IL1RAPL1: variants seen among roughly 807,000 people sequenced by gnomAD.
IL1RAPL1 encodes interleukin-1 receptor accessory protein-like 1.
Under a neutral mutation model 48.4 loss-of-function variants are expected in IL1RAPL1, and 3 were observed. The ratio of observed to expected loss-of-function variants is 0.06; its 90% confidence interval spans 0.03 to 0.16. IL1RAPL1 has a LOEUF of 0.16. Among genes scored for constraint, IL1RAPL1 ranks in the 10% least tolerant of loss-of-function variants. The pLI, the probability that IL1RAPL1 is intolerant of heterozygous loss-of-function variation, is 1.00. For synonymous variants in IL1RAPL1, 185 were observed against 187.7 expected, an observed-to-expected ratio of 0.99 and a Z score of 0.12; for missense variants, 349 against 530.6, an observed-to-expected ratio of 0.66 and a Z score of 3.36.
At chrX:29,426,120 A>G (rs1934347940) in intron 5 of IL1RAPL1, among the ~76,000 whole-genome samples, 1 of 112,253 alleles carries the variant, frequency 8.9e-6, no homozygotes, top group South Asian at 3.7e-4. Context: ...ACATGGTTCT[A>G]AATTTTATTG....
chrX:29,117,749 T>C (rs1928705368), intron 2 of IL1RAPL1, among the ~76,000 whole-genome samples: 1 of 111,422 alleles, frequency 9.0e-6, no homozygotes, highest in African/African-American at 3.3e-5. Flanking sequence ...TTAGCAGCCC[T>C]GTTTTTCATT....
chrX:28,609,663 A>AC lies in IL1RAPL1; in HGVS notation c.-25+21616_-25+21617insC, dbSNP rs200576889. Among the ~76,000 whole-genome samples the AC allele has an allele frequency of 6.9e-3, 715 of 103,278 alleles. 4 individuals are homozygous for AC. Among genetic ancestry groups the AC allele is most frequent in the African/African-American group, 0.022 (615 of 27,673 alleles). The allele number at this position is 103,278 out of a possible 115,157, so 89.7% of individuals were successfully genotyped here. A position where few individuals can be genotyped will look rare whatever the true frequency, so the allele number is the denominator to read the frequency against. The stretch of plus-strand genomic sequence containing the variant: ...CACACACACACACACACACACACAC[A>AC]ACATACCTACCTCTCTGATATATGC... On this transcript the variant is annotated intron_variant, in intron 1 of 10. Coordinates refer to ENST00000378993, the MANE Select transcript of IL1RAPL1 (RefSeq NM_014271.4).
chrX:28,933,125 A>T (rs1165400726), intron 2 of IL1RAPL1, among the ~76,000 whole-genome samples: 5 of 111,961 alleles, frequency 4.5e-5, no homozygotes, highest in African/African-American at 1.6e-4. Flanking sequence ...TGCATTAACC[A>T]TGTGTTAATT....
chrX:29,660,159 C>T (rs1329329655), intron 5 of IL1RAPL1, among the ~76,000 whole-genome samples: 1 of 110,549 alleles, frequency 9.0e-6, no homozygotes, highest in Non-Finnish European at 1.9e-5. Context: ...ATCCAGTCAC[C>T]TCCCACAAGG....
intron 5 of IL1RAPL1, among the ~76,000 whole-genome samples, chrX:29,590,911 C>A (rs1443696874): frequency 2.7e-5 from 3 of 112,420 alleles, no homozygotes; most frequent in African/African-American, 9.7e-5. Context: ...ATGTTTTGTG[C>A]TGTAACGTGC....
chrX:29,888,018 A>G (rs1370451010), intron 6 of IL1RAPL1, among the ~76,000 whole-genome samples: 3 of 111,631 alleles, frequency 2.7e-5, no homozygotes, highest in African/African-American at 9.8e-5. Flanking sequence ...CTTCATTTTC[A>G]CTGTAATAAT....
At chrX:29,179,033 G>C (rs1322047350) in intron 2 of IL1RAPL1, among the ~76,000 whole-genome samples, 3 of 111,756 alleles carry the variant, frequency 2.7e-5, no homozygotes, top group African/African-American at 9.8e-5. Context: ...GTAGTGTGAT[G>C]CCTCCAGCTT....
intron 2 of IL1RAPL1, among the ~76,000 whole-genome samples, chrX:29,250,227 T>C (rs1931581674): frequency 9.0e-6 from 1 of 111,504 alleles, no homozygotes. Context: ...GAAAAATAAG[T>C]CCTAAAGGGA....
chrX:29,189,603 A>G (rs1930314823), intron 2 of IL1RAPL1, among the ~76,000 whole-genome samples: 1 of 111,519 alleles, frequency 9.0e-6, no homozygotes, highest in African/African-American at 3.3e-5. Flanking sequence ...GAATTATTTC[A>G]TTACTGCTGG....
intron 6 of IL1RAPL1, among the ~76,000 whole-genome samples, chrX:29,874,434 A>G (rs1931862847): frequency 8.9e-6 from 1 of 111,936 alleles, no homozygotes; most frequent in African/African-American, 3.2e-5. Context: ...ACTCTAAGCT[A>G]TTGCCCCTCC....
chrX:29,498,399 T>C (rs1290548999), intron 5 of IL1RAPL1, among the ~76,000 whole-genome samples: 4 of 112,082 alleles, frequency 3.6e-5, no homozygotes, highest in Non-Finnish European at 7.5e-5. Flanking sequence ...TCATTTCTTT[T>C]CATTGCCCTC....
chrX:29,951,832 G>A (rs924103008), intron 9 of IL1RAPL1, among the ~76,000 whole-genome samples: 5 of 111,382 alleles, frequency 4.5e-5, no homozygotes, highest in Non-Finnish European at 9.4e-5. Flanking sequence ...AGGAGTGGGG[G>A]ACTGTCATAA....
intron 2 of IL1RAPL1, among the ~76,000 whole-genome samples, chrX:28,820,422 A>T (rs1016323398): frequency 9.0e-6 from 1 of 110,961 alleles, no homozygotes; most frequent in Non-Finnish European, 1.9e-5. Flanking sequence ...ACCACTTTTG[A>T]TGTTTCTCAC....
At position 29,116,774 on chromosome X, in the gene IL1RAPL1, C is replaced by G. The variant is rs1928686020; in HGVS notation, c.83-166164C>G. ...AAATATCGAAGAGAGTGAATGATGT[C>G]AAATAAAAGTGCTTTGTGTAATGTT... is the stretch of plus-strand genomic sequence containing the variant. On this transcript the variant is annotated intron_variant, in intron 2 of 10. Coordinates refer to ENST00000378993, the MANE Select transcript of IL1RAPL1 (RefSeq NM_014271.4). 2.7e-5 allele frequency among the ~76,000 whole-genome samples: 3 copies of G among 110,929 alleles called. No homozygotes were observed. The South Asian group carries it at 1.1e-3, about 42-fold the overall frequency.
At chrX:29,260,460 A>G (rs1319498784) in intron 2 of IL1RAPL1, among the ~76,000 whole-genome samples, 1 of 112,152 alleles carries the variant, frequency 8.9e-6, no homozygotes, top group African/African-American at 3.2e-5. Context: ...TTGTGCTGGG[A>G]AACGCCCATT....
At chrX:28,707,377 G>A (rs1474303444) in intron 1 of IL1RAPL1, among the ~76,000 whole-genome samples, 1 of 112,017 alleles carries the variant, frequency 8.9e-6, no homozygotes, top group East Asian at 2.8e-4. Flanking sequence ...GAGCTCCATA[G>A]CAGGATTAAG....
intron 5 of IL1RAPL1, among the ~76,000 whole-genome samples, chrX:29,570,501 A>C (rs1922558799): frequency 8.9e-6 from 1 of 112,473 alleles, no homozygotes; most frequent in Non-Finnish European, 1.9e-5. Context: ...ACTACTTAAA[A>C]GTATGGGAGT....
At position 29,369,717 on chromosome X, in the gene IL1RAPL1, C is replaced by T. The variant is rs1241090845; in HGVS notation, c.363-26541C>T. The T allele has an allele frequency of 3.6e-5, 4 of 112,033 alleles. No individual in the cohort carries two copies. In the East Asian group the frequency reaches 1.1e-3, roughly 31 times the overall value. The allele number at this position is 112,033 out of a possible 1,213,427, so 9.2% of individuals were successfully genotyped here. ...ATTCAAGATTTGGGTGGGGATACGG[C>T]AAAATCATATCACTTAGCTCAGGAG... is the stretch of plus-strand genomic sequence containing the variant. On this transcript the variant is annotated intron_variant, in intron 3 of 10. Transcript: ENST00000378993.
At position 29,368,985 on chromosome X, in the gene IL1RAPL1, C is replaced by G. The variant is rs148928032; in HGVS notation, c.363-27273C>G. On this transcript the variant is annotated intron_variant, in intron 3 of 10. Coordinates refer to ENST00000378993, the MANE Select transcript of IL1RAPL1 (RefSeq NM_014271.4). ...GCTGCTATTGAAAAGCAGAAGACAG[C>G]TGGGACCTCTGCTGAGGGAGGCTTT... The G allele has an allele frequency of 9.2e-3, 1,061 of 115,775 alleles. 13 individuals are homozygous for G. The highest frequency in any genetic ancestry group is 0.033 in the African/African-American group (1,005 of 30,461). 9.5% of individuals were successfully genotyped at this position (115,775 alleles called of 1,213,427 possible). A position where few individuals can be genotyped will look rare whatever the true frequency, so the allele number is the denominator to read the frequency against.
Sources: allele counts gnomAD v4.1 joint callset (sites outside exome capture counted in the v4.1 genomes callset), GRCh38; gene constraint gnomAD v4.1.1; transcripts MANE v1.5; gene names NCBI Gene and HGNC (gene_info 2026-07-23, HGNC 2026-07-21).